KLF7: variants seen among roughly 807,000 people sequenced by gnomAD.
KLF7 encodes Krueppel-like factor 7.
In KLF7, 2 loss-of-function variants were observed where a neutral mutation model predicts 27.3. The ratio of observed to expected loss-of-function variants is 0.07; its 90% CI spans 0.03 to 0.23. KLF7 has a LOEUF of 0.23. KLF7 is among the 10% of genes least tolerant of loss of function. KLF7 has a pLI of 1.00. For missense variants in KLF7, 221 were observed against 394.1 expected, an observed-to-expected ratio of 0.56 and a Z score of 3.72; for synonymous variants, 165 against 162.4, an observed-to-expected ratio of 1.02 and a Z score of -0.12.
intron 2 of KLF7, among the ~76,000 whole-genome samples, chr2:207,097,947 C>T (rs536670502): frequency 1.3e-5 from 2 of 152,226 alleles, no homozygotes; most frequent in South Asian, 4.1e-4. Flanking sequence ...CACCCCGACA[C>T]AAGGCAAAAC....
Position 207,080,758 on chromosome 2 carries a change from C to A in KLF7, c.*455G>T. 5.0e-6 allele frequency: 2 copies of A among 400,450 alleles called. No homozygotes were observed. The allele number at this position is 400,450 out of a possible 1,614,324, so 24.8% of individuals were successfully genotyped here. On this transcript the variant is annotated 3_prime_UTR_variant, in exon 4 of 4. Coordinates refer to ENST00000309446, the MANE Select transcript of KLF7 (RefSeq NM_003709.4). ...AAGAAACATTAGTGCTACACATATG[C>A]AACTTTAAGATGCTGGATTCTCCTA...
In KLF7 at chr2:207,080,918, G is replaced by A. The variant is rs2076254051; in HGVS notation, c.*295C>T. 2 of 425,228 alleles carry A rather than the reference G, an allele frequency of 4.7e-6. No individual in the cohort carries two copies. The highest frequency in any genetic ancestry group is 8.6e-5 in the South Asian group (1 of 11,670). 26.3% of individuals were successfully genotyped at this position (425,228 alleles called of 1,614,324 possible). On this transcript the variant is annotated 3_prime_UTR_variant, in exon 4 of 4. Coordinates refer to ENST00000309446, the MANE Select transcript of KLF7 (RefSeq NM_003709.4). ...CCAATAGTGCTGAAGTAAGCAGCCA[G>A]TCTGCCTTGCTGAGTTCACCTGGTT...
chr2:207,151,153 TG>T (rs2078234913), intron 1 of KLF7, among the ~76,000 whole-genome samples: 1 of 152,008 alleles, frequency 6.6e-6, no homozygotes, highest in South Asian at 2.1e-4. Context: ...AAAACAGCAA[TG>T]GGAATAAAAC....
At chr2:207,146,948 A>AT (rs1444390410) in intron 1 of KLF7, among the ~76,000 whole-genome samples, 1 of 152,202 alleles carries the variant, frequency 6.6e-6, no homozygotes. Flanking sequence ...CCCATGGTAT[A>AT]AGTCAGCCCA....
chr2:207,111,428 G>A (rs2077034554), intron 2 of KLF7, among the ~76,000 whole-genome samples: 1 of 152,176 alleles, frequency 6.6e-6, no homozygotes, highest in Admixed American at 6.5e-5. Context: ...TCAAGCACAG[G>A]GAAGCTGCCC....
intron 1 of KLF7, among the ~76,000 whole-genome samples, chr2:207,147,977 G>A (rs1193794925): frequency 6.6e-6 from 1 of 151,422 alleles, no homozygotes; most frequent in Non-Finnish European, 1.5e-5. Context: ...TTGATCTGAA[G>A]CATTTTTTTT....
At chr2:207,101,387 A>C (rs1574452247) in intron 2 of KLF7, among the ~76,000 whole-genome samples, 1 of 152,228 alleles carries the variant, frequency 6.6e-6, no homozygotes, top group East Asian at 1.9e-4. Context: ...TGAAACAGAA[A>C]ATCCCTAAGA....
At chr2:207,129,649 C>T (rs777091808) in intron 1 of KLF7, among the ~76,000 whole-genome samples, 6 of 152,068 alleles carry the variant, frequency 3.9e-5, no homozygotes, top group Non-Finnish European at 7.4e-5. Context: ...AGTAATAATC[C>T]AAGACCTAGT....
intron 1 of KLF7, among the ~76,000 whole-genome samples, chr2:207,137,556 G>A (rs1020066676): frequency 1.3e-5 from 2 of 152,090 alleles, no homozygotes; most frequent in Non-Finnish European, 1.5e-5. Context: ...CAGAACCCTC[G>A]AACACTGAAC....
chr2:207,167,338 G>A (rs1375397894), upstream of KLF7: 1 of 373,260 alleles, frequency 2.7e-6, no homozygotes, highest in Admixed American at 4.8e-5. Flanking sequence ...CCCAAAATGC[G>A]CTGTGAGCTG....
At chr2:207,081,845 T>G (rs1347770771) in intron 3 of KLF7, among the ~76,000 whole-genome samples, 1 of 125,378 alleles carries the variant, frequency 8.0e-6, no homozygotes, top group African/African-American at 3.4e-5. Flanking sequence ...ACACTCTATA[T>G]TCAAGTCAAA....
At chr2:207,126,726 C>T (rs1422616402) in intron 1 of KLF7, among the ~76,000 whole-genome samples, 1 of 151,934 alleles carries the variant, frequency 6.6e-6, no homozygotes, top group South Asian at 2.1e-4. Flanking sequence ...TCACTTAAGC[C>T]CGGGAGTTCA....
chr2:207,134,108 C>T (rs1384954284), intron 1 of KLF7: 1 of 1,534,572 alleles, frequency 6.5e-7, no homozygotes, highest in East Asian at 2.4e-5. Context: ...CATCATCTCC[C>T]CTTCCTCTCC....
At chr2:207,155,869 T>C (rs1222857270) in intron 1 of KLF7, among the ~76,000 whole-genome samples, 1 of 152,170 alleles carries the variant, frequency 6.6e-6, no homozygotes, top group East Asian at 1.9e-4. Flanking sequence ...GTGGAAAGAA[T>C]CTATTTCCAC....
chr2:207,119,534 G>T (rs1251571191), intron 2 of KLF7, among the ~76,000 whole-genome samples: 3 of 151,646 alleles, frequency 2.0e-5, no homozygotes, highest in African/African-American at 7.3e-5. Flanking sequence ...TCAAGAAGAT[G>T]AATACAACTA....
Position 207,126,475 on chromosome 2 carries a change from T to C in KLF7, c.103-2071A>G, listed in dbSNP as rs373664273. Among the ~76,000 whole-genome samples the C allele has an allele frequency of 7.2e-5, 11 of 152,314 alleles. 1 individual carries two copies. Among genetic ancestry groups the C allele is most frequent in the African/African-American group, 1.7e-4 (7 of 41,570 alleles). ...ATCTTTGAAACCCTACCCTGTACCA[T>C]GCTGAGGGGGCAATTTTGGAAATGA... On this transcript the variant is annotated intron_variant, in intron 1 of 3. Coordinates refer to ENST00000309446, the MANE Select transcript of KLF7 (RefSeq NM_003709.4).
At position 207,081,015 on chromosome 2, in the gene KLF7, G is replaced by A; in HGVS notation, c.*198C>T. ...AGACGTATATATTTTAAATATAGTTGAGTGCATGACAGTGTGTATGTGTGT... is the reference window on the plus strand; with the variant it reads ...AGACGTATATATTTTAAATATAGTTAAGTGCATGACAGTGTGTATGTGTGT... On this transcript the variant is annotated 3_prime_UTR_variant, in exon 4 of 4. Coordinates refer to ENST00000309446, the MANE Select transcript of KLF7 (RefSeq NM_003709.4). The A allele has an allele frequency of 3.4e-6, 2 of 582,660 alleles. No homozygotes were observed. Among genetic ancestry groups the A allele is most frequent in the Non-Finnish European group, 6.1e-6 (2 of 325,992 alleles). The allele number at this position is 582,660 out of a possible 1,614,324, so 36.1% of individuals were successfully genotyped here. A position where few individuals can be genotyped will look rare whatever the true frequency, so the allele number is the denominator to read the frequency against.
intron 2 of KLF7, among the ~76,000 whole-genome samples, chr2:207,119,594 A>G (rs1176896909): frequency 6.6e-6 from 1 of 152,232 alleles, no homozygotes. Context: ...GAAGACCAGA[A>G]CACAGAGTAG....
At chr2:207,101,039 T>C (rs1459613235) in intron 2 of KLF7, among the ~76,000 whole-genome samples, 1 of 152,238 alleles carries the variant, frequency 6.6e-6, no homozygotes, top group Non-Finnish European at 1.5e-5. Context: ...ACGAAAAGTT[T>C]TGTTACCACC....
Sources: allele counts gnomAD v4.1 joint callset (sites outside exome capture counted in the v4.1 genomes callset), GRCh38; gene constraint gnomAD v4.1.1; transcripts MANE v1.5; gene names NCBI Gene and HGNC (gene_info 2026-07-23, HGNC 2026-07-21).